Variants in SPATA13 observed in about 807,000 individuals in gnomAD.
The protein encoded by SPATA13 is spermatogenesis associated 13.
SPATA13 carries 50 observed loss-of-function variants against 104.0 expected under a neutral mutation model. The ratio of observed to expected loss-of-function variants is 0.48; its 90% CI spans 0.38 to 0.61. The LOEUF (loss-of-function observed/expected upper bound fraction) is 0.61. SPATA13 is among the 20% of genes least tolerant of loss of function. The pLI, the probability that SPATA13 is intolerant of heterozygous loss-of-function variation, is 0.00. For missense variants in SPATA13, 1,524 were observed against 1,690.6 expected (o/e 0.90, Z 1.73); for synonymous variants, 606 against 667.5 (o/e 0.91, Z 1.42).
chr13:24,272,055 C>T (rs775874853), intron 4 of SPATA13, among the ~76,000 whole-genome samples: 4 of 152,234 alleles, frequency 2.6e-5, no homozygotes, highest in Non-Finnish European at 5.9e-5. Context: ...CGAGACGGCA[C>T]TGGCAAGACC....
intron 1 of SPATA13, among the ~76,000 whole-genome samples, chr13:24,182,951 T>A (rs1334117074): frequency 1.3e-5 from 2 of 151,984 alleles, no homozygotes; most frequent in Non-Finnish European, 2.9e-5. Flanking sequence ...GTGCCCAGGG[T>A]GGCTTAGTGC....
At chr13:24,052,445 C>G (rs200161815) in intron 3 of SPATA13, among the ~76,000 whole-genome samples, 2 of 151,634 alleles carry the variant, frequency 1.3e-5, no homozygotes, top group South Asian at 2.1e-4. Flanking sequence ...TCAGAATGAC[C>G]AACACTTTCA....
At chr13:24,179,886 G>GT (rs1868691907) in intron 1 of SPATA13, among the ~76,000 whole-genome samples, 6 of 152,230 alleles carry the variant, frequency 3.9e-5, no homozygotes, top group Admixed American at 2.6e-4. Flanking sequence ...AGTTGTAAGG[G>GT]TTTTTTATAT....
intron 3 of SPATA13, among the ~76,000 whole-genome samples, chr13:24,149,134 C>T (rs1028800913): frequency 6.6e-6 from 1 of 152,220 alleles, no homozygotes; most frequent in African/African-American, 2.4e-5. Flanking sequence ...GGCGTCCTGT[C>T]TGCCCCCTGC....
intron 3 of SPATA13, among the ~76,000 whole-genome samples, chr13:24,098,116 A>G (rs1205137534): frequency 6.6e-6 from 1 of 152,230 alleles, no homozygotes; most frequent in Non-Finnish European, 1.5e-5. Flanking sequence ...TACATTCACT[A>G]AAAAGGGAGT....
intron 3 of SPATA13, among the ~76,000 whole-genome samples, chr13:24,141,187 A>G (rs1333452874): frequency 6.6e-6 from 1 of 150,450 alleles, no homozygotes; most frequent in Non-Finnish European, 1.5e-5. Context: ...AAAAAAAAAG[A>G]AAAAGAAATT....
intron 9 of SPATA13, among the ~76,000 whole-genome samples, chr13:24,291,160 A>T (rs895796520): frequency 6.6e-6 from 1 of 152,110 alleles, no homozygotes; most frequent in Admixed American, 6.5e-5. Context: ...TTGTATTGTT[A>T]TGTTGCTTAC....
intron 1 of SPATA13, among the ~76,000 whole-genome samples, chr13:24,219,573 G>A (rs1184892406): frequency 6.6e-6 from 1 of 152,222 alleles, no homozygotes; most frequent in Admixed American, 6.5e-5. Context: ...GCAAAGCACA[G>A]CATTCTTACC....
intron 1 of SPATA13, among the ~76,000 whole-genome samples, chr13:24,174,966 T>TGGCG: frequency 6.6e-6 from 1 of 152,232 alleles, no homozygotes; most frequent in Non-Finnish European, 1.5e-5. Flanking sequence ...GATTTTTTTG[T>TGGCG]TAACTTTCTG....
intron 3 of SPATA13, among the ~76,000 whole-genome samples, chr13:24,130,248 A>C (rs890017205): frequency 6.6e-6 from 1 of 152,112 alleles, no homozygotes; most frequent in Admixed American, 6.5e-5. Context: ...GGGCTGGCCC[A>C]TGGCTTCACA....
intron 1 of SPATA13, among the ~76,000 whole-genome samples, chr13:23,981,341 C>A (rs1472502158): frequency 6.6e-6 from 1 of 152,102 alleles, no homozygotes; most frequent in Non-Finnish European, 1.5e-5. Context: ...AATAGTACTT[C>A]TATTTTACAA....
intron 1 of SPATA13, among the ~76,000 whole-genome samples, chr13:24,186,839 G>C (rs553070140): frequency 6.6e-6 from 1 of 152,194 alleles, no homozygotes. Flanking sequence ...GGAAATCCTA[G>C]TGTGTTTGGC....
rs2068033 is a variant in SPATA13, at chr13:24,219,404, A to G, written c.-111-3415A>G. Among the ~76,000 whole-genome samples the G allele has an allele frequency of 0.017, 2,529 of 152,352 alleles. 132 individuals are homozygous for G. In the East Asian group the frequency reaches 0.18, roughly 11 times the overall value. On this transcript the variant is annotated intron_variant, in intron 1 of 12. Coordinates refer to ENST00000382108, the MANE Select transcript of SPATA13 (RefSeq NM_001166271.3). ...AACCCCAATTTTTTGCATGTGTTTT[A>G]TGAAATCTGAATCCTAGAAATTAAG...
At chr13:24,146,945 A>G (rs1022663231) in intron 3 of SPATA13, among the ~76,000 whole-genome samples, 1 of 135,524 alleles carries the variant, frequency 7.4e-6, no homozygotes, top group Non-Finnish European at 1.5e-5. Flanking sequence ...TTTTTTTCCT[A>G]GAAAAACTAT....
intron 3 of SPATA13, among the ~76,000 whole-genome samples, chr13:24,019,379 C>T (rs904759490): frequency 2.6e-5 from 4 of 152,240 alleles, no homozygotes; most frequent in African/African-American, 9.6e-5. Context: ...TGAGCCACCA[C>T]ACCCGGCCAT....
Position 24,043,412 on chromosome 13 carries a change from A to G in SPATA13, c.-112+25711A>G, listed in dbSNP as rs115263808. On this transcript the variant is annotated intron_variant, in intron 3 of 14. Transcript: ENST00000424834. ...GATTGGGAAATCATTTGTAGCAACCATGGGGATACTCAGGAAAAGAACACT... is the reference window on the plus strand; with the variant it reads ...GATTGGGAAATCATTTGTAGCAACCGTGGGGATACTCAGGAAAAGAACACT... Among the ~76,000 whole-genome samples the G allele has an allele frequency of 2.2e-3, 329 of 152,246 alleles. 1 individual carries two copies. The highest frequency in any genetic ancestry group is 7.6e-3 in the African/African-American group (317 of 41,526).
At chr13:24,150,474 C>T (rs1313522891) in intron 3 of SPATA13, among the ~76,000 whole-genome samples, 1 of 152,198 alleles carries the variant, frequency 6.6e-6, no homozygotes, top group Non-Finnish European at 1.5e-5. Context: ...TTTCTAACTT[C>T]CCATCCATCC....
chr13:24,070,420 ATC>A (rs1158816856), intron 3 of SPATA13, among the ~76,000 whole-genome samples: 16 of 152,110 alleles, frequency 1.1e-4, no homozygotes, highest in Non-Finnish European at 5.9e-5. Context: ...GAGAGGAGAT[ATC>A]TCTTTCCAGA....
chr13:24,124,308 G>A (rs1218380165), intron 3 of SPATA13, among the ~76,000 whole-genome samples: 2 of 152,184 alleles, frequency 1.3e-5, no homozygotes, highest in East Asian at 3.8e-4. Flanking sequence ...TCATCTATAA[G>A]ATGAGGAAGG....
Sources: allele counts gnomAD v4.1 joint callset (sites outside exome capture counted in the v4.1 genomes callset), GRCh38; gene constraint gnomAD v4.1.1; transcripts MANE v1.5; gene names NCBI Gene and HGNC (gene_info 2026-07-23, HGNC 2026-07-21).